KIF13B: variants seen among roughly 807,000 people sequenced by gnomAD.
KIF13B encodes kinesin-like protein KIF13B.
In KIF13B, 127 loss-of-function variants were observed where a neutral mutation model predicts 222.0. That is an observed-to-expected ratio of 0.57 (90% CI 0.50 to 0.66). KIF13B has a LOEUF of 0.66. Among genes scored for constraint, KIF13B ranks in the 30% least tolerant of loss-of-function variants. The pLI is 0.00. For synonymous variants in KIF13B, 976 were observed against 919.0 expected (o/e 1.06, Z -1.12); for missense variants, 2,173 against 2,379.0 (o/e 0.91, Z 1.80).
At chr8:29,207,828 G>C (rs1464888122) in intron 2 of KIF13B, among the ~76,000 whole-genome samples, 3 of 152,124 alleles carry the variant, frequency 2.0e-5, no homozygotes, top group Non-Finnish European at 4.4e-5. Flanking sequence ...CAGAGTTTTG[G>C]GGGAGTTTGA....
chr8:29,126,457 A>G, intron 26 of KIF13B, 25 bp downstream of exon 26: 1 of 1,468,070 alleles, frequency 6.8e-7, no homozygotes, highest in Non-Finnish European at 9.4e-7. Flanking sequence ...CTTATTTGAG[A>G]TGAGATTAAC....
At position 29,188,660 on chromosome 8, in the gene KIF13B, A is replaced by C. The variant is rs1052771965; in HGVS notation, c.224-53T>G. The C allele has an allele frequency of 2.7e-6, 3 of 1,130,966 alleles. No individual in the cohort carries two copies. In the African/African-American group the frequency reaches 4.7e-5, roughly 18 times the overall value. The allele number at this position is 1,130,966 out of a possible 1,614,324, so 70.1% of individuals were successfully genotyped here. A position where few individuals can be genotyped will look rare whatever the true frequency, so the allele number is the denominator to read the frequency against. On this transcript the variant is annotated intron_variant, in intron 4 of 39. Transcript: ENST00000524189. The stretch of plus-strand genomic sequence containing the variant: ...TATTTTAAGCCAAAACTACATATGA[A>C]CAATTCACAAAACAAAAACAAAAAT...
chr8:29,139,034 G>A (rs781763678), intron 21 of KIF13B, among the ~76,000 whole-genome samples: 17 of 152,294 alleles, frequency 1.1e-4, no homozygotes, highest in Non-Finnish European at 2.4e-4. Context: ...TGCCTGGGGT[G>A]CTAAGGGAGG....
chr8:29,122,492 G>T lies in KIF13B; in HGVS notation c.3535+99C>A, dbSNP rs921072652. The stretch of plus-strand genomic sequence containing the variant: ...ACGTCAAACTGGCTCTAGCCTTAGG[G>T]GGACAGAATTGCCTCACGATGCACT... On this transcript the variant is annotated intron_variant, in intron 29 of 39. Coordinates refer to ENST00000524189, the MANE Select transcript of KIF13B (RefSeq NM_015254.4). 6 of 925,460 alleles carry T rather than the reference G, an allele frequency of 6.5e-6. No individual in the cohort carries two copies. In the East Asian group the frequency reaches 1.6e-4, roughly 24 times the overall value. 57.3% of individuals were successfully genotyped at this position (925,460 alleles called of 1,614,324 possible).
intron 18 of KIF13B, among the ~76,000 whole-genome samples, chr8:29,142,517 CTT>C (rs918440121): frequency 1.1e-4 from 17 of 152,186 alleles, no homozygotes; most frequent in Non-Finnish European, 2.4e-4. Flanking sequence ...ATAAACTTCA[CTT>C]TAAGTATAAA....
intron 37 of KIF13B, among the ~76,000 whole-genome samples, chr8:29,076,511 C>G (rs1399802380): frequency 2.6e-5 from 4 of 152,188 alleles, no homozygotes; most frequent in African/African-American, 7.2e-5. Context: ...CTAGACAGAG[C>G]CTGCAGGCGC....
At chr8:29,236,413 A>G (rs1468414611) in intron 2 of KIF13B, among the ~76,000 whole-genome samples, 1 of 152,222 alleles carries the variant, frequency 6.6e-6, no homozygotes, top group Non-Finnish European at 1.5e-5. Context: ...ATGGAGGTTC[A>G]TTATACTATT....
At chr8:29,229,243 T>C (rs998670632) in intron 2 of KIF13B, among the ~76,000 whole-genome samples, 2 of 152,200 alleles carry the variant, frequency 1.3e-5, no homozygotes, top group African/African-American at 4.8e-5. Flanking sequence ...TTCCAAATGT[T>C]TAGAGAAGAA....
chr8:29,181,582 CAA>C (rs1812715053), intron 7 of KIF13B, among the ~76,000 whole-genome samples: 1 of 152,066 alleles, frequency 6.6e-6, no homozygotes, highest in Non-Finnish European at 1.5e-5. Flanking sequence ...TAAAAAGCCT[CAA>C]AGTAAAAACA....
At chr8:29,245,282 A>G in intron 2 of KIF13B, 64 bp downstream of exon 2, 1 of 1,095,774 alleles carries the variant, frequency 9.1e-7, no homozygotes, top group Non-Finnish European at 1.4e-6. Flanking sequence ...AACTTAATTC[A>G]GCAGCCACAG....
rs1811243308 is a variant in KIF13B, at chr8:29,150,361, C to G, written c.1558G>C (p.Val520Leu). ...TGGTGTAGCTGTATTGGACTGGAGA[C>G]AGATGACCCATTTACAAATGTTCTG... ...NTRTFVNGSSVSSPIQLHHGD... is the reference protein window; with the variant it reads ...NTRTFVNGSSLSSPIQLHHGD... The change falls in exon 15 of 40, where the codon GTC (valine) becomes CTC (leucine). Residue 520 changes from valine (V) to leucine (L), a missense_variant. By Grantham distance (32) the Val-to-Leu change is conservative. Coordinates refer to ENST00000524189, the MANE Select transcript of KIF13B (RefSeq NM_015254.4). The G allele has an allele frequency of 6.3e-7, 1 of 1,582,050 alleles. No individual in the cohort carries two copies.
intron 1 of KIF13B, among the ~76,000 whole-genome samples, chr8:29,259,193 T>C (rs367678578): frequency 6.6e-6 from 1 of 152,154 alleles, no homozygotes; most frequent in African/African-American, 2.4e-5. Context: ...TCCATTGAGA[T>C]ACTAGATCAT....
chr8:29,136,061 C>T (rs1015492973), intron 21 of KIF13B, among the ~76,000 whole-genome samples: 1 of 152,160 alleles, frequency 6.6e-6, no homozygotes, highest in African/African-American at 2.4e-5. Flanking sequence ...GTTTGAAACA[C>T]CTAGATAGCT....
Position 29,072,305 on chromosome 8 carries a change from C to G in KIF13B, c.4533G>C (p.Glu1511Asp). The G allele has an allele frequency of 7.0e-7, 1 of 1,420,020 alleles. No homozygotes were observed. The highest frequency in any genetic ancestry group is 9.2e-7 in the Non-Finnish European group (1 of 1,083,944). 88.0% of individuals were successfully genotyped at this position (1,420,020 alleles called of 1,614,324 possible). Residue 1511 changes from glutamate to aspartate, a missense_variant, in exon 39 of 40, where the codon GAG (glutamate) becomes GAC (aspartate). Glu to Asp is a conservative substitution (Grantham distance 45). This residue lies in a region of KIF13B where 693 missense variants were observed against 656.2 expected (regional missense o/e 1.06). Coordinates refer to ENST00000524189, the MANE Select transcript of KIF13B (RefSeq NM_015254.4). ...TCTGCACCAGCACGTCAGGGCCCATCTCCGGCTGAGCCTGCAGCAGGACGG... is the reference window on the plus strand; with the variant it reads ...TCTGCACCAGCACGTCAGGGCCCATGTCCGGCTGAGCCTGCAGCAGGACGG... Reference protein sequence around the residue: ...RVTRMEEAQPEMGPDVLVQTM... With the variant: ...RVTRMEEAQPDMGPDVLVQTM...
At chr8:29,081,819 G>A (rs1288502212) in intron 37 of KIF13B, among the ~76,000 whole-genome samples, 1 of 152,134 alleles carries the variant, frequency 6.6e-6, no homozygotes, top group Non-Finnish European at 1.5e-5. Context: ...TAAAATTCCT[G>A]GTGTGGTGCC....
intron 2 of KIF13B, among the ~76,000 whole-genome samples, chr8:29,198,959 T>C (rs997285546): frequency 4.6e-5 from 7 of 152,224 alleles, no homozygotes; most frequent in African/African-American, 9.6e-5. Flanking sequence ...AGATTACATA[T>C]TGGGTACAAT....
At chr8:29,142,384 A>C in intron 18 of KIF13B, 81 bp from the exon 19 acceptor site, 1 of 1,228,086 alleles carries the variant, frequency 8.1e-7, no homozygotes, top group Non-Finnish European at 1.1e-6. Context: ...CCCATCAGTC[A>C]AATGTCATTA....
intron 12 of KIF13B, 115 bp from the exon 13 acceptor site, chr8:29,160,982 T>C (rs1811752382): frequency 1.2e-6 from 1 of 805,834 alleles, no homozygotes; most frequent in East Asian, 2.8e-5. Context: ...AAATACATTC[T>C]CTTAGGCTAT....
At chr8:29,241,620 G>A (rs1815782078) in intron 2 of KIF13B, among the ~76,000 whole-genome samples, 1 of 151,626 alleles carries the variant, frequency 6.6e-6, no homozygotes, top group African/African-American at 2.4e-5. Context: ...ATGATGGAGG[G>A]GAAACTGCTG....
Sources: allele counts gnomAD v4.1 joint callset (sites outside exome capture counted in the v4.1 genomes callset), GRCh38; gene constraint gnomAD v4.1.1; regional missense constraint gnomAD v4.1.1; transcripts MANE v1.5; gene names NCBI Gene and HGNC (gene_info 2026-07-23, HGNC 2026-07-21).